ASCC1: variants seen among roughly 807,000 people sequenced by gnomAD.
ASCC1 encodes activating signal cointegrator 1 complex subunit 1.
A neutral mutation model predicts 46.6 loss-of-function variants in ASCC1; 35 were observed. The observed-to-expected ratio is 0.75, with a 90% CI of 0.57 to 0.99. The LOEUF (loss-of-function observed/expected upper bound fraction) is 0.99, where lower values mean the gene tolerates loss of function less well. ASCC1 is among the 50% of genes least tolerant of loss of function. ASCC1 has a pLI of 0.00. For synonymous variants in ASCC1, 143 were observed against 146.6 expected (o/e 0.98, Z 0.18); for missense variants, 376 against 428.7 (o/e 0.88, Z 1.09).
chr10:72,138,303 A>G (rs1282042672), intron 7 of ASCC1, among the ~76,000 whole-genome samples: 1 of 152,250 alleles, frequency 6.6e-6, no homozygotes, highest in African/African-American at 2.4e-5. Context: ...CAGGGAGTTC[A>G]GCTATATAAA....
intron 5 of ASCC1, among the ~76,000 whole-genome samples, chr10:72,163,149 A>T (rs1158825727): frequency 2.0e-5 from 3 of 152,146 alleles, no homozygotes; most frequent in Non-Finnish European, 4.4e-5. Context: ...TAGAAATTGG[A>T]ACCCTCATAC....
At chr10:72,176,801 T>G (rs1196126396) in intron 5 of ASCC1, among the ~76,000 whole-genome samples, 1 of 151,920 alleles carries the variant, frequency 6.6e-6, no homozygotes, top group Admixed American at 6.6e-5. Context: ...AATTCCTCAC[T>G]CTCCCCTGAA....
chr10:72,132,067 C>T lies in ASCC1; in HGVS notation c.871+990G>A, dbSNP rs760916174. Among the ~76,000 whole-genome samples the T allele has an allele frequency of 8.1e-4, 123 of 152,106 alleles. 3 individuals are homozygous for T. Among genetic ancestry groups the T allele is most frequent in the Admixed American group, 8.5e-4 (13 of 15,274 alleles). ...TATTTTTAGTAGAGACGGGGTTTCA[C>T]CATGTTGGCCAGGCTGGTCTTGAAC... On this transcript the variant is annotated intron_variant, in intron 8 of 9. Coordinates refer to ENST00000672957, the MANE Select transcript of ASCC1 (RefSeq NM_001198800.3).
intron 9 of ASCC1, among the ~76,000 whole-genome samples, chr10:72,097,653 T>C (rs1350197914): frequency 6.6e-6 from 1 of 152,190 alleles, no homozygotes; most frequent in Non-Finnish European, 1.5e-5. Flanking sequence ...AGCTCTTCTC[T>C]CTGATTAATT....
chr10:72,142,235 ATAT>A (rs970950036), intron 7 of ASCC1, among the ~76,000 whole-genome samples: 2 of 152,070 alleles, frequency 1.3e-5, no homozygotes, highest in African/African-American at 4.8e-5. Flanking sequence ...ATTTAGTAGG[ATAT>A]TATTAGATTT....
chr10:72,126,925 A>C (rs181313724), intron 9 of ASCC1, among the ~76,000 whole-genome samples: 70 of 152,354 alleles, frequency 4.6e-4, no homozygotes, highest in African/African-American at 1.6e-3. Flanking sequence ...ATAGCTCTGC[A>C]ATGCAGGTGC....
intron 8 of ASCC1, among the ~76,000 whole-genome samples, chr10:72,129,700 G>C (rs1249932224): frequency 6.6e-6 from 1 of 152,120 alleles, no homozygotes; most frequent in Non-Finnish European, 1.5e-5. Flanking sequence ...CAGCTACTCA[G>C]GAGGCTGAGG....
At chr10:72,201,445 T>C (rs912353466) in intron 4 of ASCC1, among the ~76,000 whole-genome samples, 5 of 152,170 alleles carry the variant, frequency 3.3e-5, no homozygotes, top group Non-Finnish European at 7.3e-5. Flanking sequence ...TCCCAGCACT[T>C]TGGGAGGCCA....
chr10:72,108,587 T>C (rs139031670), intron 9 of ASCC1, among the ~76,000 whole-genome samples: 7 of 152,118 alleles, frequency 4.6e-5, no homozygotes, highest in African/African-American at 1.7e-4. Context: ...CAAATGGCCA[T>C]TCCCAGCTTT....
chr10:72,135,564 G>A (rs1377389768), intron 7 of ASCC1, among the ~76,000 whole-genome samples: 3 of 152,200 alleles, frequency 2.0e-5, no homozygotes, highest in East Asian at 3.9e-4. Context: ...AGTCGGAGAG[G>A]TGTGACCAGG....
chr10:72,166,483 T>C (rs1403624995), intron 5 of ASCC1, among the ~76,000 whole-genome samples: 1 of 141,172 alleles, frequency 7.1e-6, no homozygotes, highest in East Asian at 2.0e-4. Context: ...ACCAACATAA[T>C]TGAGTTTTTT....
At chr10:72,149,582 T>A (rs1416562350) in intron 7 of ASCC1, among the ~76,000 whole-genome samples, 3 of 151,860 alleles carry the variant, frequency 2.0e-5, no homozygotes, top group African/African-American at 7.3e-5. Flanking sequence ...AGGTTCTCAA[T>A]AATTTTTAAG....
At chr10:72,178,042 G>A (rs1589479075) in intron 5 of ASCC1, among the ~76,000 whole-genome samples, 1 of 152,322 alleles carries the variant, frequency 6.6e-6, no homozygotes, top group East Asian at 1.9e-4. Context: ...TTAACATGAA[G>A]AGCCAAGGGT....
At chr10:72,197,467 CAAAAAA>C (rs59460393) in intron 4 of ASCC1, among the ~76,000 whole-genome samples, 2 of 51,364 alleles carry the variant, frequency 3.9e-5, no homozygotes, top group Non-Finnish European at 6.8e-5. Flanking sequence ...GACTCTATCT[CAAAAAA>C]AAAAAAAAAA....
chr10:72,216,469 GCCCCGTTCCCGCCCCCCCCC>G (rs1487708568), upstream of ASCC1, among the ~76,000 whole-genome samples: 22 of 5,598 alleles, frequency 3.9e-3, 1 homozygote, highest in East Asian at 0.056. Flanking sequence ...GCCCACCCCC[GCCCCGTTCCCGCCCCCCCCC>G]CCCCCCGTTA....
intron 9 of ASCC1, among the ~76,000 whole-genome samples, chr10:72,110,712 G>A (rs1005903628): frequency 1.2e-4 from 19 of 152,158 alleles, no homozygotes; most frequent in African/African-American, 4.6e-4. Context: ...GCTTGAACCC[G>A]GGAGGCGGAG....
chr10:72,099,842 A>G (rs1346681141), intron 9 of ASCC1, among the ~76,000 whole-genome samples: 1 of 151,244 alleles, frequency 6.6e-6, no homozygotes, highest in Non-Finnish European at 1.5e-5. Context: ...CAAATAAACC[A>G]AAAAAAAAGC....
At chr10:72,108,672 G>C (rs1302366408) in intron 9 of ASCC1, among the ~76,000 whole-genome samples, 1 of 152,092 alleles carries the variant, frequency 6.6e-6, no homozygotes, top group Non-Finnish European at 1.5e-5. Context: ...AATGACTACA[G>C]ACCCACTCCC....
chr10:72,117,440 C>T (rs1843622876), intron 9 of ASCC1, among the ~76,000 whole-genome samples: 1 of 152,172 alleles, frequency 6.6e-6, no homozygotes, highest in East Asian at 1.9e-4. Flanking sequence ...GGTCTATTTC[C>T]TCCTTTTAGA....
Sources: gnomAD v4.1 joint callset for allele counts (sites outside exome capture counted in the v4.1 genomes callset) on GRCh38, gnomAD v4.1.1 for gene constraint, MANE v1.5 for transcripts, NCBI Gene and HGNC (gene_info 2026-07-23, HGNC 2026-07-21) for gene names.